ZNF831: variants seen among roughly 807,000 people sequenced by gnomAD.
The protein encoded by ZNF831 is chromosome 20 open reading frame 174.
A neutral mutation model predicts 95.8 loss-of-function variants in ZNF831; 59 were observed. The observed-to-expected ratio is 0.62, with a 90% CI of 0.50 to 0.77. The LOEUF is 0.77. Among genes scored for constraint, ZNF831 ranks in the 30% least tolerant of loss-of-function variants. The pLI, the probability that ZNF831 is intolerant of heterozygous loss-of-function variation, is 0.00. For synonymous variants in ZNF831, 961 were observed against 925.5 expected (o/e 1.04, Z -0.70); for missense variants, 2,205 against 2,164.0 (o/e 1.02, Z -0.38).
At chr20:59,246,855 T>TC (rs1987634767) in intron 4 of ZNF831, among the ~76,000 whole-genome samples, 1 of 152,124 alleles carries the variant, frequency 6.6e-6, no homozygotes. Flanking sequence ...TCTGGTCCTC[T>TC]CCCCCAACCC....
chr20:59,138,409 A>T (rs1979578608), intron 1 of ZNF831, among the ~76,000 whole-genome samples: 1 of 150,158 alleles, frequency 6.7e-6, no homozygotes, highest in African/African-American at 2.4e-5. Context: ...TTCCCCTGCC[A>T]CTAGTCTCTT....
At chr20:59,194,878 C>T in intron 2 of ZNF831, 121 bp downstream of exon 2, 1 of 1,364,776 alleles carries the variant, frequency 7.3e-7, no homozygotes, top group Non-Finnish European at 9.6e-7. Context: ...TCACTGCTTG[C>T]TTGTTCCTGA....
chr20:59,192,035 G>C lies in ZNF831; in HGVS notation c.1016G>C (p.Cys339Ser), dbSNP rs770211478. ...GCCCCCGAGGGCCGGCTGCGGAAGT[G>C]TGAGAGCACCGACTCGGGGTACCTG... is the stretch of plus-strand genomic sequence containing the variant. ...AKAPEGRLRK[C>S]ESTDSGYLSR... The change falls in exon 2 of 6, where the codon TGT (cysteine) becomes TCT (serine). Residue 339 changes from cysteine (C) to serine (S), a missense_variant. Cys to Ser is a moderately radical substitution (Grantham distance 112). Transcript: ENST00000371030. This position sits in a 1 kb window ranked among gnomAD's most constrained non-coding sequence, Gnocchi z 5.2. 29 of 1,608,890 alleles carry C rather than the reference G, an allele frequency of 1.8e-5. No homozygotes were observed. The highest frequency in any genetic ancestry group is 3.3e-5 in the Admixed American group (2 of 59,924).
At chr20:59,237,422 C>G (rs982022680) in intron 4 of ZNF831, among the ~76,000 whole-genome samples, 1 of 152,182 alleles carries the variant, frequency 6.6e-6, no homozygotes, top group Admixed American at 6.5e-5. Flanking sequence ...TCTCAGCTCA[C>G]TACAACCTCT....
chr20:59,159,387 C>G (rs560710363), upstream of ZNF831, among the ~76,000 whole-genome samples: 1 of 152,172 alleles, frequency 6.6e-6, no homozygotes, highest in South Asian at 2.1e-4. Flanking sequence ...TTCAATTATT[C>G]AGCTGATCCT....
rs1983875222 is a variant in ZNF831, at chr20:59,194,166, G to A, written c.3147G>A (p.Arg1049=). 4 of 1,584,824 alleles carry A rather than the reference G, an allele frequency of 2.5e-6. No individual in the cohort carries two copies. The highest frequency in any genetic ancestry group is 3.4e-6 in the Non-Finnish European group (4 of 1,164,090). Residue 1049 remains arginine, a synonymous_variant, in exon 2 of 6, where the codon AGG becomes AGA. Coordinates refer to ENST00000371030, the MANE Select transcript of ZNF831 (RefSeq NM_178457.3). ...ELPISAPGAP[R]EATSSPPTPT... ...CCATCTCAGCACCAGGGGCTCCCAGGGAGGCTACCTCCTCCCCGCCCACTC... is the reference window on the plus strand; with the variant it reads ...CCATCTCAGCACCAGGGGCTCCCAGAGAGGCTACCTCCTCCCCGCCCACTC...
At chr20:59,201,813 T>C (rs1440975275) in intron 3 of ZNF831, among the ~76,000 whole-genome samples, 1 of 152,026 alleles carries the variant, frequency 6.6e-6, no homozygotes. Flanking sequence ...TTCCAAAGAG[T>C]GTGGTTTTTG....
chr20:59,255,045 C>G lies in ZNF831; in HGVS notation c.*302C>G, dbSNP rs776735353. The G allele has an allele frequency of 7.4e-6, 2 of 271,046 alleles. No individual in the cohort carries two copies. The highest frequency in any genetic ancestry group is 1.4e-5 in the Non-Finnish European group (2 of 142,450). 16.8% of individuals were successfully genotyped at this position (271,046 alleles called of 1,614,324 possible). The stretch of plus-strand genomic sequence containing the variant: ...ACAGTGACTGGGCCTTGACTCCCAG[C>G]CTCGTCTTCTGCACCTGTCCCCCAC... On this transcript the variant is annotated 3_prime_UTR_variant, in exon 6 of 6. Coordinates refer to ENST00000371030, the MANE Select transcript of ZNF831 (RefSeq NM_178457.3).
rs779242304 is a variant in ZNF831, at chr20:59,254,016, C to A, written c.4307C>A (p.Pro1436His). 2 of 1,614,072 alleles carry A rather than the reference C, an allele frequency of 1.2e-6. No homozygotes were observed. Among genetic ancestry groups the A allele is most frequent in the South Asian group, 2.2e-5 (2 of 91,068 alleles). Residue 1436 changes from proline to histidine, a missense_variant, in exon 6 of 6, where the codon CCC becomes CAC. Pro to His is a moderately conservative substitution (Grantham distance 77, BLOSUM62 -2). Transcript: ENST00000371030. This position sits in a 1 kb window ranked among gnomAD's most constrained non-coding sequence, Gnocchi z 4.5. ...CLAVVNDVPL[P>H]PGKGLDLGLL... ...GCAGTGGTTAATGACGTGCCTCTACCCCCTGGCAAAGGTCTTGACCTTGGG... is the reference window on the plus strand; with the variant it reads ...GCAGTGGTTAATGACGTGCCTCTACACCCTGGCAAAGGTCTTGACCTTGGG...
intron 1 of ZNF831, among the ~76,000 whole-genome samples, chr20:59,144,468 C>T (rs1380383522): frequency 2.0e-5 from 3 of 152,170 alleles, no homozygotes; most frequent in Non-Finnish European, 4.4e-5. Context: ...AGAGGCCTAG[C>T]ACCCTGCCCT....
chr20:59,234,846 C>A (rs1405471283), intron 4 of ZNF831, among the ~76,000 whole-genome samples: 2 of 152,176 alleles, frequency 1.3e-5, no homozygotes, highest in African/African-American at 4.8e-5. Context: ...ATAAACTCTG[C>A]ACCTAGTTTC....
In ZNF831 at chr20:59,187,711, A is replaced by C. The variant is rs147595026; in HGVS notation, c.-36-3273A>C. Among the ~76,000 whole-genome samples the C allele has an allele frequency of 2.6e-3, 390 of 152,338 alleles. 2 individuals are homozygous for C. The highest frequency in any genetic ancestry group is 4.8e-3 in the Non-Finnish European group (327 of 68,020). Reference sequence around the variant, plus strand: ...TGAACAATTCTATGGCACTTAGTACATTCATAGTTTTACAAACTACCACCT... The same window carrying C: ...TGAACAATTCTATGGCACTTAGTACCTTCATAGTTTTACAAACTACCACCT... On this transcript the variant is annotated intron_variant, in intron 1 of 5. Coordinates refer to ENST00000371030, the MANE Select transcript of ZNF831 (RefSeq NM_178457.3).
intron 1 of ZNF831, among the ~76,000 whole-genome samples, chr20:59,127,473 C>T (rs1568719828): frequency 6.6e-6 from 1 of 152,206 alleles, no homozygotes; most frequent in Non-Finnish European, 1.5e-5. Context: ...CTGCACCTTC[C>T]TGTTCCCAGC....
chr20:59,219,702 G>T (rs1319515073), intron 4 of ZNF831, among the ~76,000 whole-genome samples: 1 of 152,104 alleles, frequency 6.6e-6, no homozygotes, highest in East Asian at 1.9e-4. Flanking sequence ...TTCATCCCTC[G>T]ATCATAAAGA....
At chr20:59,223,578 A>G (rs1445675575) in intron 4 of ZNF831, among the ~76,000 whole-genome samples, 2 of 152,218 alleles carry the variant, frequency 1.3e-5, no homozygotes, top group East Asian at 3.9e-4. Flanking sequence ...CACCACCTGT[A>G]GTCATGTCAT....
rs182665759 is a variant in ZNF831, at chr20:59,205,178, A to C, written c.3876-1727A>C. ...TGGCAGCCACCCACTGACTTGCGCA[A>C]AGGTGACCCAGCAGCAGGTGGAAGA... On this transcript the variant is annotated intron_variant, in intron 3 of 5. Transcript: ENST00000371030. 2.9e-3 allele frequency among the ~76,000 whole-genome samples: 439 copies of C among 152,218 alleles called. 9 individuals are homozygous for C. Among genetic ancestry groups the C allele is most frequent in the Admixed American group, 0.025 (387 of 15,294 alleles).
At chr20:59,205,911 C>A (rs1202709869) in intron 3 of ZNF831, among the ~76,000 whole-genome samples, 2 of 152,264 alleles carry the variant, frequency 1.3e-5, no homozygotes, top group Admixed American at 1.3e-4. Flanking sequence ...TTGTAGCCTG[C>A]ACCTATTAAA....
chr20:59,139,668 A>G (rs1029640024), intron 1 of ZNF831, among the ~76,000 whole-genome samples: 2 of 152,212 alleles, frequency 1.3e-5, no homozygotes, highest in African/African-American at 4.8e-5. Flanking sequence ...AGACTGGAGG[A>G]CTGGAGCAAG....
chr20:59,137,145 A>G (rs887884306), intron 1 of ZNF831, among the ~76,000 whole-genome samples: 4 of 152,216 alleles, frequency 2.6e-5, no homozygotes, highest in Non-Finnish European at 5.9e-5. Context: ...AGAAAAATAA[A>G]CATTCATCTT....
Sources: gnomAD v4.1 joint callset for allele counts (sites outside exome capture counted in the v4.1 genomes callset) on GRCh38, gnomAD v4.1.1 for gene constraint, Gnocchi (gnomAD v3.1) non-coding constraint, MANE v1.5 for transcripts, NCBI Gene and HGNC (gene_info 2026-07-23, HGNC 2026-07-21) for gene names.